Variants in STARD13 observed in about 807,000 individuals in gnomAD.
STARD13 encodes the protein stAR-related lipid transfer protein 13.
A neutral mutation model predicts 106.4 loss-of-function variants in STARD13; 62 were observed. The ratio of observed to expected loss-of-function variants is 0.58; its 90% confidence interval spans 0.48 to 0.72. The LOEUF is 0.72. Ranked by LOEUF, STARD13 falls within the 30% of genes least tolerant of loss-of-function variation. STARD13 has a pLI of 0.00. For synonymous variants in STARD13, 565 were observed against 553.0 expected (o/e 1.02, Z -0.31); for missense variants, 1,387 against 1,424.0 (o/e 0.97, Z 0.42).
At chr13:33,569,759 T>C in the STARD13 span, among the ~76,000 whole-genome samples, 2 of 148,128 alleles carry the variant, frequency 1.4e-5, no homozygotes, top group Non-Finnish European at 1.5e-5. Context: ...CAGAGTAGAT[T>C]ATTAACTTTC....
chr13:33,144,279 C>G (rs1486515365), intron 3 of STARD13, among the ~76,000 whole-genome samples: 1 of 152,222 alleles, frequency 6.6e-6, no homozygotes, highest in East Asian at 1.9e-4. Context: ...GCCATCCAAA[C>G]TAGAAAATAA....
chr13:33,140,859 A>G (rs1434779049), intron 4 of STARD13, among the ~76,000 whole-genome samples: 3 of 151,668 alleles, frequency 2.0e-5, no homozygotes, highest in Non-Finnish European at 4.4e-5. Context: ...CCCGGGTTCA[A>G]GTGATTCTCC....
intron 1 of STARD13, among the ~76,000 whole-genome samples, chr13:33,328,516 T>C (rs2077801924): frequency 6.6e-6 from 1 of 152,262 alleles, no homozygotes; most frequent in Non-Finnish European, 1.5e-5. Context: ...ATCTCCATGA[T>C]GGCAAGCAAC....
chr13:33,273,785 T>C (rs891076792), intron 1 of STARD13, among the ~76,000 whole-genome samples: 7 of 152,354 alleles, frequency 4.6e-5, no homozygotes, highest in Admixed American at 4.6e-4. Context: ...TTTTTTTCTG[T>C]TTCTCTCCAC....
At position 33,103,505 on chromosome 13, in the gene STARD13, T is replaced by C. The variant is rs1053211855; in HGVS notation, c.*2088A>G. ...AATCACATTTGTTCTTATTCTGTTT[T>C]AGGGATCTTCTAGGTCCTCGTTTCT... On this transcript the variant is annotated 3_prime_UTR_variant, in exon 14 of 14. Coordinates refer to ENST00000336934, the MANE Select transcript of STARD13 (RefSeq NM_178006.4). 37 of 152,680 alleles carry C rather than the reference T, an allele frequency of 2.4e-4. No homozygotes were observed. Among genetic ancestry groups the C allele is most frequent in the African/African-American group, 8.0e-4 (33 of 41,466 alleles). 9.5% of individuals were successfully genotyped at this position (152,680 alleles called of 1,614,324 possible). A position where few individuals can be genotyped will look rare whatever the true frequency, so the allele number is the denominator to read the frequency against.
At chr13:33,461,761 G>A in the STARD13 span, among the ~76,000 whole-genome samples, 2 of 152,030 alleles carry the variant, frequency 1.3e-5, no homozygotes, top group African/African-American at 4.8e-5. Context: ...CTTTGTTTCT[G>A]ATTGTCATGA....
intron 1 of STARD13, among the ~76,000 whole-genome samples, chr13:33,236,075 C>T (rs535271601): frequency 6.6e-5 from 10 of 152,162 alleles, no homozygotes; most frequent in Admixed American, 4.6e-4. Flanking sequence ...ATTATGAAAA[C>T]GTACTGTTTT....
At chr13:33,435,113 T>G in the STARD13 span, among the ~76,000 whole-genome samples, 1 of 152,210 alleles carries the variant, frequency 6.6e-6, no homozygotes, top group Non-Finnish European at 1.5e-5. Flanking sequence ...GGGACAGCAA[T>G]GCTGAAGTCA....
intron 1 of STARD13, among the ~76,000 whole-genome samples, chr13:33,196,569 C>T (rs894272770): frequency 6.6e-5 from 10 of 152,146 alleles, no homozygotes; most frequent in African/African-American, 1.4e-4. Context: ...CTTACCTCCA[C>T]GCTTGCTTTC....
chr13:33,625,523 T>A, the STARD13 span, among the ~76,000 whole-genome samples: 2 of 151,770 alleles, frequency 1.3e-5, no homozygotes, highest in African/African-American at 4.8e-5. Flanking sequence ...TGAGCTGAGA[T>A]TGCACCACTG....
the STARD13 span, among the ~76,000 whole-genome samples, chr13:33,551,342 G>T: frequency 6.6e-5 from 10 of 152,138 alleles, no homozygotes; most frequent in Middle Eastern, 3.2e-3. Flanking sequence ...CATCATATGA[G>T]GTCAGGTGTG....
the STARD13 span, among the ~76,000 whole-genome samples, chr13:33,590,520 T>C: frequency 2.0e-5 from 3 of 151,244 alleles, no homozygotes; most frequent in Admixed American, 6.6e-5. Context: ...TATGCAGCCA[T>C]AAAAAAGGAT....
chr13:33,666,175 A>G, the STARD13 span, among the ~76,000 whole-genome samples: 3 of 152,250 alleles, frequency 2.0e-5, no homozygotes, highest in African/African-American at 7.2e-5. Flanking sequence ...CATGGATCTC[A>G]GGAGAAATAG....
intron 1 of STARD13, among the ~76,000 whole-genome samples, chr13:33,299,219 C>G (rs1447934526): frequency 1.3e-5 from 2 of 152,156 alleles, no homozygotes; most frequent in African/African-American, 4.8e-5. Flanking sequence ...AATGTTCACA[C>G]AACAACAAAA....
chr13:33,383,217 G>A, the STARD13 span, among the ~76,000 whole-genome samples: 5 of 152,136 alleles, frequency 3.3e-5, no homozygotes, highest in Non-Finnish European at 4.4e-5. Flanking sequence ...AGTTTACCAC[G>A]GAATACTACA....
chr13:33,450,109 TC>T, the STARD13 span, among the ~76,000 whole-genome samples: 1 of 152,192 alleles, frequency 6.6e-6, no homozygotes, highest in Non-Finnish European at 1.5e-5. Flanking sequence ...AGCTAGGACT[TC>T]CAGGACTATG....
chr13:33,311,805 T>C (rs1893146689), intron 1 of STARD13, among the ~76,000 whole-genome samples: 1 of 152,158 alleles, frequency 6.6e-6, no homozygotes, highest in East Asian at 1.9e-4. Context: ...TGAGAGAAGA[T>C]GAGGCCAAGG....
At chr13:33,616,613 G>A in the STARD13 span, among the ~76,000 whole-genome samples, 1 of 152,154 alleles carries the variant, frequency 6.6e-6, no homozygotes, top group African/African-American at 2.4e-5. Context: ...CACTGTCTTA[G>A]GCACTTGGGT....
intron 12 of STARD13, among the ~76,000 whole-genome samples, chr13:33,108,624 C>T (rs1167125667): frequency 6.6e-6 from 1 of 152,184 alleles, no homozygotes; most frequent in Non-Finnish European, 1.5e-5. Context: ...GAGCCTATTG[C>T]AGTGCCTGGC....
Sources: allele counts gnomAD v4.1 joint callset (sites outside exome capture counted in the v4.1 genomes callset), GRCh38; gene constraint gnomAD v4.1.1; transcripts MANE v1.5; gene names NCBI Gene and HGNC (gene_info 2026-07-23, HGNC 2026-07-21).